The following ARHGEF10 variants were observed in gnomAD, a reference collection of about 807,000 sequenced individuals.
ARHGEF10 encodes the protein Rho guanine nucleotide exchange factor (GEF) 10.
A neutral mutation model predicts 147.4 loss-of-function variants in ARHGEF10; 140 were observed. That is an observed-to-expected ratio of 0.95 (90% CI 0.83 to 1.09). The LOEUF (loss-of-function observed/expected upper bound fraction) is 1.09. ARHGEF10 is among the 50% of genes least tolerant of loss of function. The pLI is 0.00. For missense variants in ARHGEF10, 2,222 were observed against 1,752.7 expected (o/e 1.27, Z -4.78); for synonymous variants, 902 against 695.8 (o/e 1.30, Z -4.67).
At chr8:1,899,188 G>T (rs1810260321) in intron 15 of ARHGEF10, among the ~76,000 whole-genome samples, 1 of 152,176 alleles carries the variant, frequency 6.6e-6, no homozygotes, top group Non-Finnish European at 1.5e-5. Context: ...TGCAGTGTGT[G>T]GTTGCCCGCT....
chr8:1,934,354 C>CAAAA (rs36102342), intron 26 of ARHGEF10, among the ~76,000 whole-genome samples: 10 of 117,418 alleles, frequency 8.5e-5, no homozygotes, highest in African/African-American at 9.8e-5. Flanking sequence ...ACCCTGTCTC[C>CAAAA]AAAAAAAAAA....
At chr8:1,955,614 G>A (rs1339853757) in intron 28 of ARHGEF10, among the ~76,000 whole-genome samples, 1 of 151,786 alleles carries the variant, frequency 6.6e-6, no homozygotes, top group Non-Finnish European at 1.5e-5. Flanking sequence ...TGTTTCTCTG[G>A]ATGGGTAGCG....
At chr8:1,915,689 G>C (rs968332840) in intron 18 of ARHGEF10, among the ~76,000 whole-genome samples, 1 of 152,218 alleles carries the variant, frequency 6.6e-6, no homozygotes, top group African/African-American at 2.4e-5. Context: ...GACAAACACT[G>C]GTGTGAATTT....
At chr8:1,862,549 C>T (rs1585305169) in intron 4 of ARHGEF10, among the ~76,000 whole-genome samples, 1 of 152,192 alleles carries the variant, frequency 6.6e-6, no homozygotes, top group Admixed American at 6.5e-5. Flanking sequence ...ACCTTAATTT[C>T]CCGGAAGGCG....
intron 17 of ARHGEF10, among the ~76,000 whole-genome samples, chr8:1,907,476 C>G (rs1410506241): frequency 6.6e-6 from 1 of 152,136 alleles, no homozygotes; most frequent in African/African-American, 2.4e-5. Flanking sequence ...TATAATGGTC[C>G]TTGTTGAGTC....
At chr8:1,877,710 T>C (rs1182991633) in intron 8 of ARHGEF10, among the ~76,000 whole-genome samples, 1 of 117,918 alleles carries the variant, frequency 8.5e-6, no homozygotes, top group African/African-American at 3.3e-5. Flanking sequence ...TGCCAGGCCG[T>C]GCCACCGGTG....
At chr8:1,826,023 T>G in intron 1 of ARHGEF10, 1 of 1,209,936 alleles carries the variant, frequency 8.3e-7, no homozygotes, top group African/African-American at 1.5e-5. Context: ...AAAAACACAC[T>G]TTGTCCCTGT....
In ARHGEF10 at chr8:1,948,496, G is replaced by C. The variant is rs1814771068; in HGVS notation, c.3397+2841G>C. 6.6e-6 allele frequency among the ~76,000 whole-genome samples: 1 copy of C among 152,158 alleles called. No homozygotes were observed. The highest frequency in any genetic ancestry group is 1.5e-5 in the Non-Finnish European group (1 of 68,034). ...CCCACATTCAGTTCTCTGCTCCCAG[G>C]CTGTGGTCTGCTGCCACCGTGGCCT... On this transcript the variant is annotated intron_variant, in intron 27 of 28. Transcript: ENST00000349830. This position sits in a 1 kb window ranked among gnomAD's most constrained non-coding sequence, Gnocchi z 4.9.
At chr8:1,924,012 A>G in intron 21 of ARHGEF10, 138 bp downstream of exon 21, 1 of 868,328 alleles carries the variant, frequency 1.2e-6, no homozygotes, top group Non-Finnish European at 1.9e-6. Flanking sequence ...TCTAAACAGG[A>G]AAATTCACCC....
At chr8:1,936,447 C>G (rs1286227015) in intron 26 of ARHGEF10, among the ~76,000 whole-genome samples, 1 of 152,150 alleles carries the variant, frequency 6.6e-6, no homozygotes, top group Non-Finnish European at 1.5e-5. Context: ...GAAGCTGAGG[C>G]TGCAGTGAGC....
intron 18 of ARHGEF10, among the ~76,000 whole-genome samples, chr8:1,920,913 G>T (rs150951032): frequency 1.3e-5 from 2 of 151,960 alleles, no homozygotes; most frequent in Non-Finnish European, 2.9e-5. Flanking sequence ...TCAGCCTCCC[G>T]AGTAGGTGGG....
chr8:1,890,563 G>T, intron 11 of ARHGEF10, among the ~76,000 whole-genome samples: 1 of 151,314 alleles, frequency 6.6e-6, no homozygotes, highest in African/African-American at 2.4e-5. Flanking sequence ...GAGTTTTGAG[G>T]AGTCACTGAG....
rs751373354 is a variant in ARHGEF10, at chr8:1,956,848, G to T, written c.3620G>T (p.Ser1207Ile). 1 of 1,613,942 alleles carries T rather than the reference G, an allele frequency of 6.2e-7. No homozygotes were observed. Among genetic ancestry groups the T allele is most frequent in the African/African-American group, 1.3e-5 (1 of 74,932 alleles). The change falls in exon 29 of 29, where the codon AGC becomes ATC. Residue 1207 changes from serine (S) to isoleucine (I), a missense_variant. Transcript: ENST00000349830. ...HEKDKDKSRD[S>I]LAPGPEPQDE... ...AAAGACAAGGACAAATCCAGGGACA[G>T]CCTGGCTCCTGGCCCCGAGCCTCAG...
At chr8:1,904,774 A>G (rs1261041544) in intron 16 of ARHGEF10, among the ~76,000 whole-genome samples, 1 of 152,172 alleles carries the variant, frequency 6.6e-6, no homozygotes, top group Non-Finnish European at 1.5e-5. Flanking sequence ...TAGAATCAAA[A>G]GACAGCACAG....
intron 1 of ARHGEF10, among the ~76,000 whole-genome samples, chr8:1,831,757 T>C (rs1803124451): frequency 6.6e-6 from 1 of 152,234 alleles, no homozygotes; most frequent in Admixed American, 6.5e-5. Context: ...TGCTCGCTCC[T>C]GGACACCTGC....
rs755475435 is a variant in ARHGEF10, at chr8:1,945,580, C to T, written c.3322C>T (p.Arg1108Cys). ...WIAFTSGSTL[R>C]LFHTETLKHL... ...TGCCTTCACCTCAGGGTCCACGCTC[C>T]GCCTTTTTCACACGGAAACTCTCAA... The change falls in exon 27 of 29, where the codon CGC (arginine) becomes TGC (cysteine). Residue 1108 changes from arginine (R) to cysteine (C), a missense_variant. Transcript: ENST00000349830. 16 of 1,614,124 alleles carry T rather than the reference C, an allele frequency of 9.9e-6. No homozygotes were observed. Among genetic ancestry groups the T allele is most frequent in the East Asian group, 6.7e-5 (3 of 44,892 alleles).
chr8:1,909,508 C>T (rs1458528041), intron 18 of ARHGEF10, 38 bp downstream of exon 18: 13 of 1,611,238 alleles, frequency 8.1e-6, no homozygotes, highest in East Asian at 2.2e-5. Flanking sequence ...GCCGTGGGGC[C>T]AGGGTAACTC....
At chr8:1,943,851 C>G (rs1276024627) in intron 26 of ARHGEF10, 1 of 125,216 alleles carries the variant, frequency 8.0e-6, no homozygotes, top group Non-Finnish European at 1.7e-5. Flanking sequence ...TATGAGGAAA[C>G]TACGGGCATA....
In ARHGEF10 at chr8:1,842,715, C is replaced by T. The variant is rs555753092; in HGVS notation, c.-47-638C>T. Among the ~76,000 whole-genome samples the T allele has an allele frequency of 8.1e-4, 124 of 152,378 alleles. 1 individual carries two copies. Among genetic ancestry groups the T allele is most frequent in the African/African-American group, 2.6e-3 (110 of 41,598 alleles). ...AGGCCCGTGTTTTGTGGTCTTAACA[C>T]GAGTCACCAGGAACTGGCCTTCCCG... On this transcript the variant is annotated intron_variant, in intron 1 of 28. Coordinates refer to ENST00000349830, the MANE Select transcript of ARHGEF10 (RefSeq NM_014629.4).
Sources: gnomAD v4.1 joint callset for allele counts (sites outside exome capture counted in the v4.1 genomes callset) on GRCh38, gnomAD v4.1.1 for gene constraint, Gnocchi (gnomAD v3.1) non-coding constraint, MANE v1.5 for transcripts, NCBI Gene and HGNC (gene_info 2026-07-23, HGNC 2026-07-21) for gene names.